GAB2: variants seen among roughly 807,000 people sequenced by gnomAD.
GAB2 encodes GRB2-associated-binding protein 2.
GAB2 carries 26 observed loss-of-function variants against 65.5 expected under a neutral mutation model. The ratio of observed to expected loss-of-function variants is 0.40; its 90% confidence interval spans 0.29 to 0.55. The LOEUF (loss-of-function observed/expected upper bound fraction) is 0.55, where lower values mean the gene tolerates loss of function less well. GAB2 is among the 20% of genes least tolerant of loss of function. The probability of loss-of-function intolerance (pLI) is 0.53; values close to 1 mark genes in which losing one functional copy is unlikely to be tolerated. For missense variants in GAB2, 884 were observed against 875.8 expected, an observed-to-expected ratio of 1.01 and a Z score of -0.12; for synonymous variants, 321 against 329.6, an observed-to-expected ratio of 0.97 and a Z score of 0.28.
Position 78,215,631 on chromosome 11 carries a change from C to G in GAB2, c.*3641G>C, listed in dbSNP as rs546041004. ...TTCTGCGTGAAATAATTCTAGATTT[C>G]AAGACACAAGTAGCCAACAAATACA... On this transcript the variant is annotated 3_prime_UTR_variant, in exon 10 of 10. Coordinates refer to ENST00000361507, the MANE Select transcript of GAB2 (RefSeq NM_080491.3). 6.6e-6 allele frequency: 1 copy of G among 152,418 alleles called. No individual in the cohort carries two copies. Among genetic ancestry groups the G allele is most frequent in the East Asian group, 1.9e-4 (1 of 5,192 alleles). The allele number at this position is 152,418 out of a possible 1,614,324, so 9.4% of individuals were successfully genotyped here. A position where few individuals can be genotyped will look rare whatever the true frequency, so the allele number is the denominator to read the frequency against.
intron 1 of GAB2, among the ~76,000 whole-genome samples, chr11:78,396,787 G>A (rs1267250260): frequency 6.6e-6 from 1 of 152,084 alleles, no homozygotes; most frequent in African/African-American, 2.4e-5. Context: ...AGTAGAGATG[G>A]GATTTCTCTG....
chr11:78,331,113 T>C (rs1396097915), intron 1 of GAB2, among the ~76,000 whole-genome samples: 1 of 152,004 alleles, frequency 6.6e-6, no homozygotes, highest in African/African-American at 2.4e-5. Context: ...AGGTGGAGGT[T>C]GCAGTCAGCC....
At chr11:78,397,927 CTA>C (rs1856921972) in intron 1 of GAB2, among the ~76,000 whole-genome samples, 1 of 152,020 alleles carries the variant, frequency 6.6e-6, no homozygotes, top group African/African-American at 2.4e-5. Flanking sequence ...AGTGGTGCAC[CTA>C]TAGTCCCAGC....
intron 1 of GAB2, among the ~76,000 whole-genome samples, chr11:78,299,282 G>C (rs1057506925): frequency 6.6e-6 from 1 of 152,144 alleles, no homozygotes; most frequent in Non-Finnish European, 1.5e-5. Flanking sequence ...TTCCTGCTCT[G>C]GGCCATTTCC....
chr11:78,281,740 T>C (rs779570674), intron 1 of GAB2, among the ~76,000 whole-genome samples: 29 of 152,206 alleles, frequency 1.9e-4, no homozygotes, highest in Non-Finnish European at 7.4e-5. Context: ...AGATGTGGCA[T>C]TCCCACTGTC....
chr11:78,389,799 C>T (rs769918993), intron 1 of GAB2, among the ~76,000 whole-genome samples: 1 of 152,130 alleles, frequency 6.6e-6, no homozygotes, highest in Non-Finnish European at 1.5e-5. Flanking sequence ...TTTTACCACC[C>T]CTGCCAGTCA....
At chr11:78,278,172 C>T (rs548795352) in intron 2 of GAB2, among the ~76,000 whole-genome samples, 4 of 151,158 alleles carry the variant, frequency 2.6e-5, no homozygotes, top group Admixed American at 6.6e-5. Flanking sequence ...CAGGTTCGAG[C>T]GATTCTTCTG....
intron 1 of GAB2, among the ~76,000 whole-genome samples, chr11:78,282,159 T>G (rs997499396): frequency 2.6e-5 from 4 of 152,236 alleles, no homozygotes; most frequent in African/African-American, 7.2e-5. Flanking sequence ...TACCACAGAA[T>G]TGAACACGTG....
chr11:78,406,505 G>A (rs1272481205), intron 1 of GAB2, among the ~76,000 whole-genome samples: 2 of 152,028 alleles, frequency 1.3e-5, no homozygotes, highest in Non-Finnish European at 1.5e-5. Context: ...AGCCTCCGAA[G>A]TAGCTGGGAT....
chr11:78,369,375 A>C (rs969959185), intron 1 of GAB2, among the ~76,000 whole-genome samples: 4 of 152,210 alleles, frequency 2.6e-5, no homozygotes, highest in Non-Finnish European at 5.9e-5. Context: ...TTACTGTAGC[A>C]AAGTTAAAAT....
intron 6 of GAB2, 99 bp from the exon 7 acceptor site, chr11:78,222,294 A>G (rs571090348): frequency 1.3e-4 from 102 of 775,524 alleles, no homozygotes; most frequent in Non-Finnish European, 2.1e-4. Context: ...AAAGGCCTGC[A>G]AAGTCATTCC....
intron 1 of GAB2, among the ~76,000 whole-genome samples, chr11:78,323,404 A>G (rs1020170219): frequency 2.6e-5 from 4 of 151,966 alleles, no homozygotes; most frequent in Admixed American, 1.3e-4. Flanking sequence ...CAGCTACTTG[A>G]GAGGCTGGGG....
chr11:78,295,639 C>T (rs1169318896), intron 1 of GAB2, among the ~76,000 whole-genome samples: 5 of 152,152 alleles, frequency 3.3e-5, no homozygotes, highest in African/African-American at 4.8e-5. Context: ...AGGTTCTCAG[C>T]ACAGTTCATG....
Position 78,226,551 on chromosome 11 carries a change from G to T in GAB2, c.1121C>A (p.Pro374Gln), listed in dbSNP as rs2134467799. Residue 374 changes from proline to glutamine, a missense_variant, in exon 4 of 10, where the codon CCA becomes CAA. Physicochemically the swap from Pro to Gln is moderately conservative, Grantham distance 76. Transcript: ENST00000361507. ...GACAGATCTGCTATTTTCACTGATT[G>T]GCGGTCTCTGCTGAGGACTGCCCCA... ...PRWGSPQQRP[P>Q]ISENSRSVAA... 6.2e-7 allele frequency: 1 copy of T among 1,613,238 alleles called. No individual in the cohort carries two copies. The highest frequency in any genetic ancestry group is 8.5e-7 in the Non-Finnish European group (1 of 1,179,826).
At chr11:78,323,790 C>CTTTTTTTTTTTTTTTTT (rs749282969) in intron 1 of GAB2, among the ~76,000 whole-genome samples, 3 of 77,260 alleles carry the variant, frequency 3.9e-5, no homozygotes, top group African/African-American at 1.5e-4. Context: ...CTGAATCTTT[C>CTTTTTTTTTTTTTTTTT]TTTTTTTTTT....
intron 2 of GAB2, among the ~76,000 whole-genome samples, chr11:78,267,564 G>A (rs1437112980): frequency 6.6e-6 from 1 of 151,992 alleles, no homozygotes; most frequent in Non-Finnish European, 1.5e-5. Flanking sequence ...TGCACAAAGA[G>A]AATCTCTGAA....
At chr11:78,285,049 A>G (rs970430016) in intron 1 of GAB2, among the ~76,000 whole-genome samples, 1 of 152,244 alleles carries the variant, frequency 6.6e-6, no homozygotes. Context: ...TATTTATAGT[A>G]ATTTAAAATC....
chr11:78,382,649 GA>G (rs1565179784), intron 1 of GAB2, among the ~76,000 whole-genome samples: 1 of 152,098 alleles, frequency 6.6e-6, no homozygotes, highest in African/African-American at 2.4e-5. Context: ...ACCACGCATG[GA>G]AAGCAATGCA....
At chr11:78,406,465 C>G (rs1050485254) in intron 1 of GAB2, among the ~76,000 whole-genome samples, 17 of 152,080 alleles carry the variant, frequency 1.1e-4, no homozygotes, top group Non-Finnish European at 2.2e-4. Flanking sequence ...GCAACCTCTG[C>G]CCCCTGGGTT....
Sources: allele counts gnomAD v4.1 joint callset (sites outside exome capture counted in the v4.1 genomes callset), GRCh38; gene constraint gnomAD v4.1.1; transcripts MANE v1.5; gene names NCBI Gene and HGNC (gene_info 2026-07-23, HGNC 2026-07-21).